SQLE: variants seen among roughly 807,000 people sequenced by gnomAD.
SQLE encodes squalene monooxygenase.
Under a neutral mutation model 60.7 loss-of-function variants are expected in SQLE, and 29 were observed. The ratio of observed to expected loss-of-function variants is 0.48; its 90% CI spans 0.36 to 0.65. SQLE has a LOEUF of 0.65. Ranked by LOEUF, SQLE falls within the 30% of genes least tolerant of loss-of-function variation. The pLI, the probability that SQLE is intolerant of heterozygous loss-of-function variation, is 0.00. For missense variants in SQLE, 605 were observed against 684.1 expected (o/e 0.88, Z 1.29); for synonymous variants, 237 against 246.8 (o/e 0.96, Z 0.37).
At chr8:125,015,828 C>G (rs1040077298) in intron 7 of SQLE, among the ~76,000 whole-genome samples, 3 of 152,214 alleles carry the variant, frequency 2.0e-5, no homozygotes, top group Middle Eastern at 3.4e-3. Context: ...CTGGGAAAGT[C>G]TTTATTTCTC....
At chr8:125,018,395 T>C (rs916983739) in intron 8 of SQLE, among the ~76,000 whole-genome samples, 194 bp downstream of exon 8, 2 of 152,220 alleles carry the variant, frequency 1.3e-5, no homozygotes, top group African/African-American at 4.8e-5. Context: ...TTGAATATTA[T>C]GTAACACTTG....
intron 7 of SQLE, among the ~76,000 whole-genome samples, chr8:125,013,356 C>CTTTTTCTTTTTTTTTTTTTT (rs71576761): frequency 5.9e-5 from 8 of 136,446 alleles, no homozygotes; most frequent in South Asian, 2.3e-4. Flanking sequence ...TTTTCTTTTT[C>CTTTTTCTTTTTTTTTTTTTT]TTTTTTTTTT....
chr8:125,018,812 A>G lies in SQLE; in HGVS notation c.1444+85A>G, dbSNP rs1048751919. ...GAATAAACAAGTTAGTGATTTGTCC[A>G]GAAATAAAAATGTTACCTGAGTTTG... On this transcript the variant is annotated intron_variant, in intron 9 of 10. Coordinates refer to ENST00000265896, the MANE Select transcript of SQLE (RefSeq NM_003129.4). 4.3e-6 allele frequency: 4 copies of G among 929,826 alleles called. No individual in the cohort carries two copies. In the African/African-American group the frequency reaches 5.2e-5, roughly 12 times the overall value. The allele number at this position is 929,826 out of a possible 1,614,324, so 57.6% of individuals were successfully genotyped here.
At position 124,998,918 on chromosome 8, in the gene SQLE, T is replaced by A. The variant is rs1397621520; in HGVS notation, c.-486T>A. 1.5e-4 allele frequency: 53 copies of A among 359,440 alleles called. No individual in the cohort carries two copies. In the East Asian group the frequency reaches 2.3e-3, roughly 16 times the overall value. The allele number at this position is 359,440 out of a possible 1,614,324, so 22.3% of individuals were successfully genotyped here. A position where few individuals can be genotyped will look rare whatever the true frequency, so the allele number is the denominator to read the frequency against. On this transcript the variant is annotated 5_prime_UTR_variant, in exon 1 of 11. Transcript: ENST00000265896. The stretch of plus-strand genomic sequence containing the variant: ...CGTGCCTTCCGGCCGCTGCTCGCCG[T>A]CGCCAGAGGCTAGGCCACGTTTCCC...
rs1346567635 is a variant in SQLE, at chr8:125,022,108, A to G, written c.*163A>G. ...TTTTTGAAGTTTTTTGTATATAAAT[A>G]TGTAAATACATGCTTTAATTTGCAA... On this transcript the variant is annotated 3_prime_UTR_variant, in exon 11 of 11. Coordinates refer to ENST00000265896, the MANE Select transcript of SQLE (RefSeq NM_003129.4). 2.4e-6 allele frequency: 1 copy of G among 415,674 alleles called. No individual in the cohort carries two copies. The allele number at this position is 415,674 out of a possible 1,614,324, so 25.7% of individuals were successfully genotyped here.
At chr8:125,018,248 C>T (rs562934644) in intron 8 of SQLE, 47 bp downstream of exon 8, 3 of 1,599,374 alleles carry the variant, frequency 1.9e-6, no homozygotes, top group South Asian at 2.2e-5. Flanking sequence ...GGATTTATTT[C>T]TGGGGGTTAA....
In SQLE at chr8:124,999,836, C is replaced by T. The variant is rs555129636; in HGVS notation, c.291+142C>T. ...TCTCATGTATTTTTTATTTTAAACTCTGCTGTGCCTTGGTTACATCTTTGA... is the reference window on the plus strand; with the variant it reads ...TCTCATGTATTTTTTATTTTAAACTTTGCTGTGCCTTGGTTACATCTTTGA... On this transcript the variant is annotated intron_variant, in intron 1 of 10. Coordinates refer to ENST00000265896, the MANE Select transcript of SQLE (RefSeq NM_003129.4). The T allele has an allele frequency of 6.6e-6, 7 of 1,067,318 alleles. No homozygotes were observed. In the African/African-American group the frequency reaches 1.1e-4, roughly 17 times the overall value. 66.1% of individuals were successfully genotyped at this position (1,067,318 alleles called of 1,614,324 possible).
At chr8:125,000,034 T>C (rs78859325) in intron 1 of SQLE, 5,884 of 485,684 alleles carry the variant, frequency 0.012, 290 homozygotes, top group African/African-American at 0.1. Flanking sequence ...TGGGTAAGGA[T>C]TGGATTTGTG....
chr8:124,999,607 T>C lies in SQLE; in HGVS notation c.204T>C (p.Asp68=). Residue 68 remains aspartate (D), a synonymous_variant, in exon 1 of 11, where the codon GAT becomes GAC. Transcript: ENST00000265896. ...GCTCCCAGTTCGCCCTCTTCTCGGA[T>C]ATTCTCTCAGGCCTGCCTTTCATTG... is the stretch of plus-strand genomic sequence containing the variant. The part of the protein sequence containing the change: ...QSGSQFALFS[D]ILSGLPFIGF... The C allele has an allele frequency of 6.2e-7, 1 of 1,613,700 alleles. No individual in the cohort carries two copies. The highest frequency in any genetic ancestry group is 8.5e-7 in the Non-Finnish European group (1 of 1,179,806).
intron 9 of SQLE, among the ~76,000 whole-genome samples, chr8:125,020,063 C>T (rs1441948830): frequency 6.6e-6 from 1 of 152,126 alleles, no homozygotes; most frequent in Non-Finnish European, 1.5e-5. Flanking sequence ...TTTCTGAGCT[C>T]TTCTTTCTAA....
Position 125,005,680 on chromosome 8 carries a change from C to T in SQLE, c.700C>T (p.Arg234Trp), listed in dbSNP as rs767415219. 24 of 1,598,104 alleles carry T rather than the reference C, an allele frequency of 1.5e-5. 1 individual carries two copies. Among genetic ancestry groups the T allele is most frequent in the African/African-American group, 1.3e-4 (10 of 74,500 alleles). The change falls in exon 3 of 11, where the codon CGG becomes TGG. Residue 234 changes from arginine to tryptophan, a missense_variant. Coordinates refer to ENST00000265896, the MANE Select transcript of SQLE (RefSeq NM_003129.4). ...TCACGGAAGATTCATCATGAGTCTC[C>T]GGAAAGCAGCTATGGCAGAGCCCAA... ...FHHGRFIMSL[R>W]KAAMAEPNAK...
At chr8:125,017,525 C>T (rs1815128531) in intron 7 of SQLE, among the ~76,000 whole-genome samples, 1 of 151,964 alleles carries the variant, frequency 6.6e-6, no homozygotes, top group Non-Finnish European at 1.5e-5. Context: ...AATGGGCTCC[C>T]CTCTCACCCA....
At chr8:125,001,055 C>A (rs1814839708) in intron 1 of SQLE, among the ~76,000 whole-genome samples, 1 of 152,076 alleles carries the variant, frequency 6.6e-6, no homozygotes, top group Non-Finnish European at 1.5e-5. Context: ...ATATACATCT[C>A]TTAGGGTGAG....
In SQLE at chr8:124,999,593, G is replaced by T; in HGVS notation, c.190G>T (p.Ala64Ser). 6.2e-7 allele frequency: 1 copy of T among 1,613,472 alleles called. No homozygotes were observed. The change falls in exon 1 of 11, where the codon GCC (alanine) becomes TCC (serine). Residue 64 changes from alanine to serine, a missense_variant. Physicochemically the swap from Ala to Ser is moderately conservative, Grantham distance 99 (BLOSUM62 1). Transcript: ENST00000265896. ...GCGCCAGCAGAGCGGCTCCCAGTTC[G>T]CCCTCTTCTCGGATATTCTCTCAGG... The part of the protein sequence containing the change: ...LGRQQSGSQF[A>S]LFSDILSGLP...
intron 1 of SQLE, among the ~76,000 whole-genome samples, chr8:125,001,455 T>C (rs1206645166): frequency 1.5e-5 from 2 of 134,960 alleles, no homozygotes; most frequent in African/African-American, 5.9e-5. Context: ...TCAGGGTGTG[T>C]GTGTGTGTGT....
At chr8:125,009,401 A>C in intron 6 of SQLE, 58 bp downstream of exon 6, 1 of 1,456,556 alleles carries the variant, frequency 6.9e-7, no homozygotes, top group Non-Finnish European at 9.3e-7. Context: ...GCCAGAGATA[A>C]GGATGGCAGG....
chr8:125,001,858 G>C (rs913160316), intron 1 of SQLE, among the ~76,000 whole-genome samples: 2 of 152,080 alleles, frequency 1.3e-5, no homozygotes, highest in Non-Finnish European at 2.9e-5. Flanking sequence ...TAAGGTCAAA[G>C]AACTCAAGGA....
At chr8:125,000,677 C>G (rs1044556531) in intron 1 of SQLE, among the ~76,000 whole-genome samples, 2 of 151,894 alleles carry the variant, frequency 1.3e-5, no homozygotes, top group African/African-American at 2.4e-5. Context: ...TGGTCTCGAA[C>G]TCCTGACCTT....
chr8:125,021,336 A>ATAATC (rs1239042662), intron 10 of SQLE, among the ~76,000 whole-genome samples: 2 of 152,162 alleles, frequency 1.3e-5, no homozygotes, highest in Non-Finnish European at 2.9e-5. Context: ...GTCATTTCTC[A>ATAATC]TAATCTATAA....
Sources: gnomAD v4.1 joint callset for allele counts (sites outside exome capture counted in the v4.1 genomes callset) on GRCh38, gnomAD v4.1.1 for gene constraint, MANE v1.5 for transcripts, NCBI Gene and HGNC (gene_info 2026-07-23, HGNC 2026-07-21) for gene names.